PRPSAP2: variants seen among roughly 807,000 people sequenced by gnomAD.
The protein encoded by PRPSAP2 is phosphoribosyl pyrophosphate synthase-associated protein 2.
Under a neutral mutation model 40.6 loss-of-function variants are expected in PRPSAP2, and 24 were observed. That is an observed-to-expected ratio of 0.59 (90% CI 0.43 to 0.83). The LOEUF is 0.83. Among genes scored for constraint, PRPSAP2 ranks in the 40% least tolerant of loss-of-function variants. The pLI, the probability that PRPSAP2 is intolerant of heterozygous loss-of-function variation, is 0.00. For synonymous variants in PRPSAP2, 149 were observed against 164.7 expected, an observed-to-expected ratio of 0.90 and a Z score of 0.73; for missense variants, 292 against 465.6, an observed-to-expected ratio of 0.63 and a Z score of 3.43.
intron 5 of PRPSAP2, among the ~76,000 whole-genome samples, chr17:18,873,434 G>A (rs1426177323): frequency 6.6e-6 from 1 of 151,944 alleles, no homozygotes; most frequent in Non-Finnish European, 1.5e-5. Flanking sequence ...TTGAACTCCC[G>A]ACCTCAGGTG....
At chr17:18,922,582 C>G (rs1399329989) in intron 9 of PRPSAP2, among the ~76,000 whole-genome samples, 3 of 151,214 alleles carry the variant, frequency 2.0e-5, no homozygotes, top group Non-Finnish European at 4.4e-5. Flanking sequence ...AATCCTTTGC[C>G]CATTTTTGAA....
chr17:18,917,987 C>G (rs887111494), intron 9 of PRPSAP2, among the ~76,000 whole-genome samples: 1 of 151,958 alleles, frequency 6.6e-6, no homozygotes, highest in Non-Finnish European at 1.5e-5. Context: ...ATGCTTTCAG[C>G]TCAAAATAAT....
In PRPSAP2 at chr17:18,865,921, TC is replaced by T; in HGVS notation, c.89del (p.Ser30TyrfsTer13). On this transcript the variant is annotated frameshift_variant, in exon 3 of 12. Transcript: ENST00000268835. LOFTEE classifies it high-confidence loss of function. ...GTTGTTTTCAGCAAACTCGAATTCA[TC>T]ATGTATGGAGCTATCAAAGAAAATT... Reference protein sequence around the residue: ...LVLFSANSNSSCMELSKKIAE... With the variant: ...LVLFSANSNSXCMELSKKIAE... 1 of 1,537,962 alleles carries T rather than the reference TC, an allele frequency of 6.5e-7. No homozygotes were observed. The highest frequency in any genetic ancestry group is 8.8e-7 in the Non-Finnish European group (1 of 1,132,626).
rs1277459934 is a variant in PRPSAP2 at position 18,888,838 on chromosome 17, C to T, written c.529-984C>T. ...CCCAGTAGGGGTGGCCGGGCAGAGG[C>T]GCCCCTCACCTCAACTTGTTCTTTC... On this transcript the variant is annotated intron_variant, in intron 7 of 11. Transcript: ENST00000268835. 5.8e-5 allele frequency among the ~76,000 whole-genome samples: 2 copies of T among 34,364 alleles called. 1 individual carries two copies. The highest frequency in any genetic ancestry group is 2.5e-4 in the African/African-American group (2 of 8,134). 22.5% of individuals were successfully genotyped at this position (34,364 alleles called of 152,430 possible). A position where few individuals can be genotyped will look rare whatever the true frequency, so the allele number is the denominator to read the frequency against.
chr17:18,908,451 AGG>A lies in PRPSAP2; in HGVS notation c.585-2651_585-2650del, dbSNP rs545887672. On this transcript the variant is annotated intron_variant, in intron 8 of 11. Coordinates refer to ENST00000268835, the MANE Select transcript of PRPSAP2 (RefSeq NM_002767.4). The stretch of plus-strand genomic sequence containing the variant: ...AAACTGTTCTGATTTGCCTCAGAGA[AGG>A]ATCTCCCAGAATGGAAGGAGTGAGG... 13 of 759,212 alleles carry A rather than the reference AGG, an allele frequency of 1.7e-5. No homozygotes were observed. The South Asian group carries it at 1.8e-4, about 10-fold the overall frequency. The allele number at this position is 759,212 out of a possible 1,614,324, so 47.0% of individuals were successfully genotyped here.
intron 9 of PRPSAP2, among the ~76,000 whole-genome samples, chr17:18,919,739 G>A (rs1179236923): frequency 1.3e-5 from 2 of 152,166 alleles, no homozygotes; most frequent in Non-Finnish European, 2.9e-5. Context: ...ATTGAGTGAT[G>A]ATTTTCCACT....
intron 5 of PRPSAP2, among the ~76,000 whole-genome samples, chr17:18,874,053 C>T (rs1181617728): frequency 6.6e-6 from 1 of 152,080 alleles, no homozygotes; most frequent in Non-Finnish European, 1.5e-5. Flanking sequence ...TACAGGCATG[C>T]ACCAGCATGC....
chr17:18,912,106 C>T (rs975043346), intron 9 of PRPSAP2, among the ~76,000 whole-genome samples: 6 of 151,730 alleles, frequency 4.0e-5, no homozygotes, highest in East Asian at 1.9e-4. Flanking sequence ...CGCTTGAACC[C>T]GGGAGACAGA....
At chr17:18,876,385 A>G (rs1034515398) in intron 5 of PRPSAP2, among the ~76,000 whole-genome samples, 12 of 152,188 alleles carry the variant, frequency 7.9e-5, no homozygotes, top group African/African-American at 2.9e-4. Flanking sequence ...TCCTAAGTTA[A>G]TTAACAGGGT....
rs371840452 is a variant in PRPSAP2, at chr17:18,928,932, G to A, written c.926G>A (p.Arg309Gln). 21 of 1,613,778 alleles carry A rather than the reference G, an allele frequency of 1.3e-5. No homozygotes were observed. Among genetic ancestry groups the A allele is most frequent in the South Asian group, 2.2e-5 (2 of 91,078 alleles). Residue 309 changes from arginine to glutamine, a missense_variant, in exon 11 of 12, where the codon CGG becomes CAG. By Grantham distance (43) the Arg-to-Gln change is conservative (BLOSUM62 1). Transcript: ENST00000268835. ...TTGTTGTCTTCTGACGCCCCCCGGC[G>A]GATTGAAGAGTCTGCCATTGATGAG... Reference protein sequence around the residue: ...HGLLSSDAPRRIEESAIDEVV... With the variant: ...HGLLSSDAPRQIEESAIDEVV...
chr17:18,930,451 T>G, intron 11 of PRPSAP2, 89 bp from the exon 12 acceptor site: 1 of 1,331,550 alleles, frequency 7.5e-7, no homozygotes, highest in South Asian at 1.4e-5. Flanking sequence ...GTGGCAAGCC[T>G]CAGATTTGAG....
intron 8 of PRPSAP2, among the ~76,000 whole-genome samples, chr17:18,903,404 C>T (rs1348068915): frequency 6.7e-6 from 1 of 148,368 alleles, no homozygotes. Flanking sequence ...TAAAATAACA[C>T]AGTCAAGGCT....
chr17:18,881,490 G>A lies in PRPSAP2; in HGVS notation c.413-1078G>A, dbSNP rs368570969. On this transcript the variant is annotated intron_variant, in intron 6 of 11. Coordinates refer to ENST00000268835, the MANE Select transcript of PRPSAP2 (RefSeq NM_002767.4). ...TGACCTCAGGTGATCCACCCGCCTC[G>A]GCCTCCCAAAGTGCTGGGATTACAG... 4.2e-4 allele frequency among the ~76,000 whole-genome samples: 63 copies of A among 150,808 alleles called. 1 individual carries two copies. The highest frequency in any genetic ancestry group is 1.4e-3 in the African/African-American group (57 of 41,064).
chr17:18,897,786 C>T (rs1208343456), intron 8 of PRPSAP2, among the ~76,000 whole-genome samples: 1 of 151,132 alleles, frequency 6.6e-6, no homozygotes, highest in Non-Finnish European at 1.5e-5. Context: ...TGAATATCAC[C>T]TTATATAGCT....
intron 8 of PRPSAP2, among the ~76,000 whole-genome samples, chr17:18,910,119 C>T (rs528899101): frequency 9.9e-5 from 15 of 152,024 alleles, no homozygotes; most frequent in African/African-American, 3.6e-4. Context: ...ACATGTGCTG[C>T]GTAAAATAAG....
At chr17:18,914,104 T>G (rs891067552) in intron 9 of PRPSAP2, among the ~76,000 whole-genome samples, 1 of 150,802 alleles carries the variant, frequency 6.6e-6, no homozygotes, top group Non-Finnish European at 1.5e-5. Context: ...AACCAGGGAG[T>G]TGGAGGTTGC....
chr17:18,870,626 T>C (rs1245925746), intron 4 of PRPSAP2, among the ~76,000 whole-genome samples: 1 of 151,820 alleles, frequency 6.6e-6, no homozygotes, highest in African/African-American at 2.4e-5. Context: ...CTGGGCAACA[T>C]GGCAAAACCC....
intron 9 of PRPSAP2, among the ~76,000 whole-genome samples, chr17:18,918,511 G>C (rs1202534454): frequency 1.3e-5 from 2 of 152,186 alleles, no homozygotes; most frequent in Non-Finnish European, 2.9e-5. Context: ...AGCAGTATCT[G>C]CGGGGAGCCA....
chr17:18,896,757 T>C (rs564455017), intron 8 of PRPSAP2, among the ~76,000 whole-genome samples: 1 of 152,234 alleles, frequency 6.6e-6, no homozygotes, highest in Non-Finnish European at 1.5e-5. Context: ...CTCAGCAAGC[T>C]GCCAGATAGG....
Sources: allele counts gnomAD v4.1 joint callset (sites outside exome capture counted in the v4.1 genomes callset), GRCh38; gene constraint gnomAD v4.1.1; transcripts MANE v1.5; gene names NCBI Gene and HGNC (gene_info 2026-07-23, HGNC 2026-07-21).